The following EZR variants were observed in gnomAD, a reference collection of about 807,000 sequenced individuals.
The protein encoded by EZR is ezrin.
A neutral mutation model predicts 74.8 loss-of-function variants in EZR; 40 were observed. The ratio of observed to expected loss-of-function variants is 0.53; its 90% CI spans 0.42 to 0.70. The LOEUF (loss-of-function observed/expected upper bound fraction) is 0.70, where lower values mean the gene tolerates loss of function less well. Among genes scored for constraint, EZR ranks in the 30% least tolerant of loss-of-function variants. EZR has a pLI of 0.00. For missense variants in EZR, 678 were observed against 755.8 expected, an observed-to-expected ratio of 0.90 and a Z score of 1.21; for synonymous variants, 341 against 283.3, an observed-to-expected ratio of 1.20 and a Z score of -2.05.
chr6:158,770,893 G>T lies in EZR; in HGVS notation c.961C>A (p.Gln321Lys), dbSNP rs1448726033. 2 of 1,614,050 alleles carry T rather than the reference G, an allele frequency of 1.2e-6. No individual in the cohort carries two copies. The highest frequency in any genetic ancestry group is 1.7e-6 in the Non-Finnish European group (2 of 1,180,040). ...CTTTTCTTCTCTGTTTCCAGCTGTT[G>T]CCTGGTGCAGGGAAAAAGAGGCACA... ...EEKHQKQLER[Q>K]QLETEKKRRE... Residue 321 changes from glutamine to lysine, a missense_variant and splice_region_variant, in exon 10 of 14, where the codon CAA becomes AAA. Gln to Lys is a moderately conservative substitution (Grantham distance 53). This residue lies in a region of EZR where 119 missense variants were observed against 182.3 expected (regional missense o/e 0.65). Transcript: ENST00000367075.
intron 2 of EZR, among the ~76,000 whole-genome samples, chr6:158,808,884 T>C (rs987863229): frequency 2.0e-5 from 3 of 152,160 alleles, no homozygotes; most frequent in Non-Finnish European, 4.4e-5. Flanking sequence ...TGCCAACACT[T>C]TGAGAGACTG....
chr6:158,808,491 T>A (rs1363208836), intron 2 of EZR, among the ~76,000 whole-genome samples: 1 of 147,500 alleles, frequency 6.8e-6, no homozygotes, highest in Non-Finnish European at 1.5e-5. Context: ...CATTATTTCA[T>A]CGGGCTGCTA....
intron 2 of EZR, among the ~76,000 whole-genome samples, chr6:158,793,118 T>G (rs543448382): frequency 3.4e-5 from 5 of 147,220 alleles, no homozygotes; most frequent in Non-Finnish European, 7.5e-5. Flanking sequence ...TCCAGGAATT[T>G]GAGACCAGCC....
intron 2 of EZR, among the ~76,000 whole-genome samples, chr6:158,804,653 G>A (rs912808752): frequency 6.6e-6 from 1 of 152,148 alleles, no homozygotes; most frequent in Non-Finnish European, 1.5e-5. Flanking sequence ...TGTAGGCTCA[G>A]AAAAGATAGG....
At chr6:158,797,349 TAAGA>T (rs2128573103) in intron 2 of EZR, among the ~76,000 whole-genome samples, 1 of 152,194 alleles carries the variant, frequency 6.6e-6, no homozygotes, top group South Asian at 2.1e-4. Context: ...CCATGTAAAA[TAAGA>T]AAGGGAAATT....
At chr6:158,779,710 T>C (rs572260136) in intron 7 of EZR, among the ~76,000 whole-genome samples, 1 of 152,218 alleles carries the variant, frequency 6.6e-6, no homozygotes, top group East Asian at 1.9e-4. Context: ...ACCACAGGCA[T>C]GCACCACCAC....
At chr6:158,785,983 C>T (rs933769038) in intron 4 of EZR, among the ~76,000 whole-genome samples, 1 of 152,060 alleles carries the variant, frequency 6.6e-6, no homozygotes, top group African/African-American at 2.4e-5. Flanking sequence ...CTCAGGAGTT[C>T]GAGACTGCAG....
intron 6 of EZR, 106 bp downstream of exon 6, chr6:158,784,538 C>G: frequency 1.0e-6 from 1 of 1,000,220 alleles, no homozygotes; most frequent in Non-Finnish European, 1.5e-6. Context: ...AAGGTCTTCA[C>G]AAGGCCTGAC....
intron 2 of EZR, among the ~76,000 whole-genome samples, chr6:158,794,147 C>T (rs947939356): frequency 7.2e-5 from 11 of 152,166 alleles, no homozygotes; most frequent in East Asian, 1.9e-4. Context: ...CGTGGTACCA[C>T]GTGCCCATAC....
At position 158,766,299 on chromosome 6, in the gene EZR, A is replaced by G. The variant is rs3205303; in HGVS notation, c.*615T>C. ...ACAATGTATTCTAAAACTGTTAAGC[A>G]AAAAAAAAAAAAACAAAAAAAAAAA... On this transcript the variant is annotated 3_prime_UTR_variant, in exon 14 of 14. Transcript: ENST00000367075. 2 of 118,494 alleles carry G rather than the reference A, an allele frequency of 1.7e-5. No homozygotes were observed. Among genetic ancestry groups the G allele is most frequent in the African/African-American group, 6.4e-5 (2 of 31,154 alleles). The allele number at this position is 118,494 out of a possible 1,614,324, so 7.3% of individuals were successfully genotyped here. A position where few individuals can be genotyped will look rare whatever the true frequency, so the allele number is the denominator to read the frequency against.
chr6:158,795,938 T>G (rs1405053067), intron 2 of EZR, among the ~76,000 whole-genome samples: 1 of 152,176 alleles, frequency 6.6e-6, no homozygotes, highest in Non-Finnish European at 1.5e-5. Context: ...CTACCTGATC[T>G]GCAGGTAGAG....
intron 2 of EZR, among the ~76,000 whole-genome samples, chr6:158,808,697 G>A (rs1227726045): frequency 6.6e-6 from 1 of 152,156 alleles, no homozygotes; most frequent in Non-Finnish European, 1.5e-5. Context: ...GGCAGAGGGA[G>A]GTGAAAAAAC....
Position 158,783,503 on chromosome 6 carries a change from T to G in EZR, c.698+17A>C. The G allele has an allele frequency of 6.2e-7, 1 of 1,607,014 alleles. No homozygotes were observed. Among genetic ancestry groups the G allele is most frequent in the East Asian group, 2.2e-5 (1 of 44,808 alleles). On this transcript the variant is annotated intron_variant, in intron 7 of 13. Transcript: ENST00000367075. Reference sequence around the variant, plus strand: ...CACCACCCTACCTACTGAAGATAACTGTGAACTTCAACTCACTTATCATCT... The same window carrying G: ...CACCACCCTACCTACTGAAGATAACGGTGAACTTCAACTCACTTATCATCT...
At chr6:158,811,709 A>G (rs952492713) in intron 2 of EZR, among the ~76,000 whole-genome samples, 3 of 152,036 alleles carry the variant, frequency 2.0e-5, no homozygotes, top group Non-Finnish European at 2.9e-5. Flanking sequence ...CAAAAAAATA[A>G]AAAATTAGCT....
Position 158,767,404 on chromosome 6 carries a change from C to T in EZR, c.1453G>A (p.Val485Ile), listed in dbSNP as rs1790922000. The T allele has an allele frequency of 6.2e-7, 1 of 1,613,812 alleles. No homozygotes were observed. Among genetic ancestry groups the T allele is most frequent in the East Asian group, 2.2e-5 (1 of 44,854 alleles). ...PPVYEPVSYHVQESLQDEGAE... is the reference protein window; with the variant it reads ...PPVYEPVSYHIQESLQDEGAE... ...CCCTCATCCTGCAAGCTCTCCTGGA[C>T]ATGGTAGCTCACCGGCTCGTACACG... Residue 485 changes from valine to isoleucine, a missense_variant, in exon 13 of 14, where the codon GTC becomes ATC. This residue lies in a region of EZR where 342 missense variants were observed against 341.2 expected (regional missense o/e 1.00). Coordinates refer to ENST00000367075, the MANE Select transcript of EZR (RefSeq NM_001111077.2).
intron 2 of EZR, among the ~76,000 whole-genome samples, chr6:158,804,396 G>T (rs3123127): frequency 0.53 from 79,957 of 152,060 alleles, 21,941 homozygotes; most frequent in Non-Finnish European, 0.61. Flanking sequence ...AAAGAGAAAG[G>T]GACCTTGAAC....
chr6:158,813,187 TC>T (rs941243978), intron 2 of EZR, among the ~76,000 whole-genome samples: 2 of 152,080 alleles, frequency 1.3e-5, no homozygotes, highest in African/African-American at 2.4e-5. Flanking sequence ...CACTACTTCC[TC>T]CCACCACAGG....
In EZR at chr6:158,769,899, C is replaced by G. The variant is rs2128564898; in HGVS notation, c.1136G>C (p.Arg379Thr). ...CTCGGCCTCCTCCTGTGCCCGCTTC[C>G]TCTCCTCCTCCAGCTGCAGGGCCCT... The part of the protein sequence containing the change: ...IQRALQLEEE[R>T]KRAQEEAERL... The change falls in exon 11 of 14, where the codon AGG becomes ACG. Residue 379 changes from arginine to threonine, a missense_variant. Physicochemically the swap from Arg to Thr is moderately conservative, Grantham distance 71 (BLOSUM62 -1). This residue lies in a region of EZR where 342 missense variants were observed against 341.2 expected (regional missense o/e 1.00). Coordinates refer to ENST00000367075, the MANE Select transcript of EZR (RefSeq NM_001111077.2). 1 of 1,613,274 alleles carries G rather than the reference C, an allele frequency of 6.2e-7. No individual in the cohort carries two copies. Among genetic ancestry groups the G allele is most frequent in the Non-Finnish European group, 8.5e-7 (1 of 1,180,034 alleles).
intron 8 of EZR, among the ~76,000 whole-genome samples, chr6:158,772,233 C>A (rs1302906467): frequency 6.6e-6 from 1 of 152,260 alleles, no homozygotes; most frequent in African/African-American, 2.4e-5. Flanking sequence ...CATCTCTTAT[C>A]TTCCCAGGGT....
Sources: gnomAD v4.1 joint callset for allele counts (sites outside exome capture counted in the v4.1 genomes callset) on GRCh38, gnomAD v4.1.1 for gene constraint, gnomAD v4.1.1 regional missense constraint, MANE v1.5 for transcripts, NCBI Gene and HGNC (gene_info 2026-07-23, HGNC 2026-07-21) for gene names.